The following LNX2 variants were observed in gnomAD, a reference collection of about 807,000 sequenced individuals.
LNX2 encodes ligand of numb-protein X 2, also known as ligand of Numb protein X 2.
LNX2 carries 35 observed loss-of-function variants against 66.2 expected under a neutral mutation model. That is an observed-to-expected ratio of 0.53 (90% CI 0.40 to 0.70). LNX2 has a LOEUF of 0.70. Ranked by LOEUF, LNX2 falls within the 30% of genes least tolerant of loss-of-function variation. The probability of loss-of-function intolerance (pLI) is 0.00; values close to 1 mark genes in which losing one functional copy is unlikely to be tolerated. For synonymous variants in LNX2, 337 were observed against 315.6 expected (o/e 1.07, Z -0.72); for missense variants, 791 against 850.8 (o/e 0.93, Z 0.87).
At chr13:27,564,442 T>C (rs1955179723) in intron 4 of LNX2, among the ~76,000 whole-genome samples, 1 of 152,190 alleles carries the variant, frequency 6.6e-6, no homozygotes, top group Admixed American at 6.5e-5. Flanking sequence ...TTCATTAAAC[T>C]GAAAATACTT....
chr13:27,558,377 A>C (rs1258383184), intron 6 of LNX2, among the ~76,000 whole-genome samples: 1 of 152,084 alleles, frequency 6.6e-6, no homozygotes. Context: ...TTGTCATATA[A>C]AATTAAAGAG....
chr13:27,598,824 C>A (rs1955626736), intron 1 of LNX2, among the ~76,000 whole-genome samples: 1 of 152,066 alleles, frequency 6.6e-6, no homozygotes, highest in African/African-American at 2.4e-5. Flanking sequence ...TATATATACA[C>A]AAACATGTAC....
At position 27,548,158 on chromosome 13, in the gene LNX2, T is replaced by C. The variant is rs1954964552; in HGVS notation, c.*177A>G. The C allele has an allele frequency of 5.3e-6, 3 of 568,196 alleles. No individual in the cohort carries two copies. Among genetic ancestry groups the C allele is most frequent in the Non-Finnish European group, 9.2e-6 (3 of 324,994 alleles). 35.2% of individuals were successfully genotyped at this position (568,196 alleles called of 1,614,324 possible). A position where few individuals can be genotyped will look rare whatever the true frequency, so the allele number is the denominator to read the frequency against. The stretch of plus-strand genomic sequence containing the variant: ...AAGACTGTTTCCAAGCTAAAAGAAA[T>C]GTAACTAACTTAGGAAACCATTTAA... On this transcript the variant is annotated 3_prime_UTR_variant, in exon 10 of 10. Transcript: ENST00000316334.
chr13:27,568,228 TGA>T (rs1038431733), intron 3 of LNX2, among the ~76,000 whole-genome samples: 4 of 152,240 alleles, frequency 2.6e-5, no homozygotes, highest in South Asian at 2.1e-4. Flanking sequence ...GCACAGGTGT[TGA>T]GAGAGTAGCC....
intron 1 of LNX2, among the ~76,000 whole-genome samples, chr13:27,604,460 T>C (rs564754236): frequency 2.0e-5 from 3 of 152,322 alleles, no homozygotes; most frequent in Non-Finnish European, 4.4e-5. Context: ...TGGAAGTCCT[T>C]TGACACTCCA....
At chr13:27,584,776 G>A (rs538239064) in intron 1 of LNX2, among the ~76,000 whole-genome samples, 3 of 152,208 alleles carry the variant, frequency 2.0e-5, no homozygotes, top group African/African-American at 7.2e-5. Flanking sequence ...TAGGATTCAG[G>A]CAGGACAGTT....
intron 1 of LNX2, among the ~76,000 whole-genome samples, chr13:27,583,249 T>A (rs369424936): frequency 2.1e-5 from 1 of 46,772 alleles, no homozygotes; most frequent in South Asian, 8.3e-4. Context: ...TGTGTGTGTG[T>A]GTGTGTGCGC....
At chr13:27,596,190 G>C (rs1955595382) in intron 1 of LNX2, among the ~76,000 whole-genome samples, 1 of 152,040 alleles carries the variant, frequency 6.6e-6, no homozygotes, top group African/African-American at 2.4e-5. Context: ...GAACAGTATA[G>C]CCTAGAGATA....
intron 1 of LNX2, among the ~76,000 whole-genome samples, chr13:27,583,045 A>AT: frequency 6.6e-6 from 1 of 152,176 alleles, no homozygotes; most frequent in South Asian, 2.1e-4. Flanking sequence ...GTACAATACT[A>AT]TTTTATTCCA....
intron 1 of LNX2, among the ~76,000 whole-genome samples, chr13:27,583,199 T>C (rs1477708090): frequency 0.18 from 2,425 of 13,256 alleles, 364 homozygotes; most frequent in African/African-American, 0.44. Context: ...TGTGTGTGTG[T>C]GTGTGTGTGT....
chr13:27,556,403 T>C lies in LNX2; in HGVS notation c.1379A>G (p.Gln460Arg), dbSNP rs139218014. ...SRPSSHKDLT[Q>R]CVTCQEKHIT... ...GTGTTTTTCTTGGCATGTAACACAC[T>C]GAGTAAGATCCTAAAACATACAAGA... Residue 460 changes from glutamine (Q) to arginine (R), a missense_variant, in exon 7 of 10, where the codon CAG becomes CGG. Coordinates refer to ENST00000316334, the MANE Select transcript of LNX2 (RefSeq NM_153371.4). 56 of 1,613,376 alleles carry C rather than the reference T, an allele frequency of 3.5e-5. No individual in the cohort carries two copies. Among genetic ancestry groups the C allele is most frequent in the Admixed American group, 1.2e-4 (7 of 59,896 alleles).
intron 1 of LNX2, among the ~76,000 whole-genome samples, chr13:27,587,615 T>C (rs376065142): frequency 7.3e-4 from 111 of 152,328 alleles, no homozygotes; most frequent in African/African-American, 2.3e-3. Flanking sequence ...AAGGTAATAC[T>C]CCCTTTAATC....
chr13:27,577,596 A>C (rs1955353702), intron 2 of LNX2, among the ~76,000 whole-genome samples: 1 of 152,248 alleles, frequency 6.6e-6, no homozygotes, highest in African/African-American at 2.4e-5. Flanking sequence ...CATGTGGCAC[A>C]GGCTGAACAA....
intron 6 of LNX2, among the ~76,000 whole-genome samples, chr13:27,556,937 T>G (rs1416066835): frequency 6.6e-6 from 1 of 152,196 alleles, no homozygotes; most frequent in Non-Finnish European, 1.5e-5. Context: ...CAAATCTACC[T>G]TCAAAATCTT....
intron 1 of LNX2, among the ~76,000 whole-genome samples, chr13:27,603,372 G>T (rs1032583437): frequency 6.6e-6 from 1 of 152,084 alleles, no homozygotes; most frequent in Admixed American, 6.6e-5. Flanking sequence ...GGCATCTGAT[G>T]CCATTCCTTA....
At chr13:27,583,619 C>T (rs1170821417) in intron 1 of LNX2, among the ~76,000 whole-genome samples, 1 of 152,076 alleles carries the variant, frequency 6.6e-6, no homozygotes, top group Admixed American at 6.6e-5. Flanking sequence ...GAATGCTCCC[C>T]TCATCTAACG....
rs1954962133 is a variant in LNX2 at position 27,547,986 on chromosome 13, T to C, written c.*349A>G. The C allele has an allele frequency of 4.1e-6, 1 of 245,606 alleles. No homozygotes were observed. The highest frequency in any genetic ancestry group is 2.2e-5 in the African/African-American group (1 of 44,528). 15.2% of individuals were successfully genotyped at this position (245,606 alleles called of 1,614,324 possible). A position where few individuals can be genotyped will look rare whatever the true frequency, so the allele number is the denominator to read the frequency against. On this transcript the variant is annotated 3_prime_UTR_variant, in exon 10 of 10. Coordinates refer to ENST00000316334, the MANE Select transcript of LNX2 (RefSeq NM_153371.4). ...GGCCTGAGGGATACAGAACTCGTTCTATGATTCAGTTACTGAAAACAAAGA... is the reference window on the plus strand; with the variant it reads ...GGCCTGAGGGATACAGAACTCGTTCCATGATTCAGTTACTGAAAACAAAGA...
chr13:27,558,557 A>G (rs1195360387), intron 6 of LNX2, among the ~76,000 whole-genome samples: 1 of 152,092 alleles, frequency 6.6e-6, no homozygotes, highest in East Asian at 1.9e-4. Context: ...ATTCAATAAC[A>G]TAAAAGATTC....
chr13:27,562,832 T>C (rs1955154117), intron 4 of LNX2, 51 bp from the exon 5 acceptor site: 10 of 1,552,196 alleles, frequency 6.4e-6, no homozygotes, highest in Non-Finnish European at 8.7e-6. Context: ...ATTTTTCCAA[T>C]TTGTAGGAAT....
Sources: allele counts gnomAD v4.1 joint callset (sites outside exome capture counted in the v4.1 genomes callset), GRCh38; gene constraint gnomAD v4.1.1; transcripts MANE v1.5; gene names NCBI Gene and HGNC (gene_info 2026-07-23, HGNC 2026-07-21).